HIBCH: variants seen among roughly 807,000 people sequenced by gnomAD.
The protein encoded by HIBCH is 3-hydroxyisobutyryl-CoA hydrolase, mitochondrial.
HIBCH carries 50 observed loss-of-function variants against 58.2 expected under a neutral mutation model. That is an observed-to-expected ratio of 0.86 (90% CI 0.68 to 1.09). The LOEUF is 1.09. HIBCH is among the 50% of genes least tolerant of loss of function. HIBCH has a pLI of 0.00. For missense variants in HIBCH, 450 were observed against 449.7 expected (o/e 1.00, Z -0.01); for synonymous variants, 151 against 146.9 (o/e 1.03, Z -0.20).
rs1214319858 is a variant in HIBCH, at chr2:190,261,367, A to G, written c.439-133T>C. On this transcript the variant is annotated intron_variant, in intron 6 of 13. Coordinates refer to ENST00000359678, the MANE Select transcript of HIBCH (RefSeq NM_014362.4). ...ACTCCACAGGAACTTGCTTCAGGGA[A>G]TAGGTTGTCCCCACCTCTTTCAATT... 4 of 682,616 alleles carry G rather than the reference A, an allele frequency of 5.9e-6. No homozygotes were observed. In the African/African-American group the frequency reaches 7.2e-5, roughly 12 times the overall value. The allele number at this position is 682,616 out of a possible 1,614,324, so 42.3% of individuals were successfully genotyped here.
chr2:190,287,301 A>G (rs1370467505), intron 6 of HIBCH, among the ~76,000 whole-genome samples: 1 of 152,162 alleles, frequency 6.6e-6, no homozygotes, highest in African/African-American at 2.4e-5. Flanking sequence ...ACCTCAAGTG[A>G]TCTGCCCACC....
intron 1 of HIBCH, among the ~76,000 whole-genome samples, chr2:190,194,402 T>C (rs962628374): frequency 6.6e-6 from 1 of 150,996 alleles, no homozygotes; most frequent in Non-Finnish European, 1.5e-5. Flanking sequence ...AAAAAAATAA[T>C]AGACTGTTTT....
rs1221755185 is a variant in HIBCH at position 190,319,608 on chromosome 2, G to A, written c.35+108C>T. On this transcript the variant is annotated intron_variant, in intron 1 of 13. Coordinates refer to ENST00000359678, the MANE Select transcript of HIBCH (RefSeq NM_014362.4). The stretch of plus-strand genomic sequence containing the variant: ...GTTGGGGTCTCACAGCGGCGCCTCT[G>A]AGCGCGACTCGAAACTTCGAGGCCA... The A allele has an allele frequency of 7.3e-6, 7 of 956,612 alleles. No individual in the cohort carries two copies. In the Admixed American group the frequency reaches 1.4e-4, roughly 19 times the overall value. 59.3% of individuals were successfully genotyped at this position (956,612 alleles called of 1,614,324 possible).
chr2:190,277,457 T>C (rs533387987), intron 6 of HIBCH, among the ~76,000 whole-genome samples: 42 of 152,334 alleles, frequency 2.8e-4, no homozygotes, highest in African/African-American at 9.9e-4. Flanking sequence ...AAAATTCTTT[T>C]ACATTATTGT....
intron 5 of HIBCH, among the ~76,000 whole-genome samples, chr2:190,289,347 AATTT>A (rs905336040): frequency 6.6e-6 from 1 of 152,154 alleles, no homozygotes; most frequent in Non-Finnish European, 1.5e-5. Context: ...ACAAAAACTG[AATTT>A]ATTTTTCCAA....
At chr2:190,314,758 T>C (rs1688669919) in intron 1 of HIBCH, among the ~76,000 whole-genome samples, 1 of 151,648 alleles carries the variant, frequency 6.6e-6, no homozygotes, top group African/African-American at 2.4e-5. Flanking sequence ...GGATGACAGG[T>C]GTGAGCCACC....
chr2:190,195,479 C>T (rs1469297235), intron 1 of HIBCH, among the ~76,000 whole-genome samples: 1 of 152,160 alleles, frequency 6.6e-6, no homozygotes, highest in East Asian at 1.9e-4. Flanking sequence ...CATTATCTCA[C>T]TGTTTAAATT....
At position 190,206,332 on chromosome 2, in the gene HIBCH, T is replaced by C. The variant is rs576677942; in HGVS notation, c.1046-1100A>G. 6.6e-5 allele frequency among the ~76,000 whole-genome samples: 10 copies of C among 152,288 alleles called. No individual in the cohort carries two copies. Among genetic ancestry groups the C allele is most frequent in the African/African-American group, 2.2e-4 (9 of 41,560 alleles). ...TACTATTTGAAAGTTTTATATTCCG[T>C]GGACAGTGTAAACAAAGAACAACCC... On this transcript the variant is annotated intron_variant, in intron 13 of 13. Coordinates refer to ENST00000359678, the MANE Select transcript of HIBCH (RefSeq NM_014362.4). This position sits in a 1 kb window ranked among gnomAD's most constrained non-coding sequence, Gnocchi z 5.1.
At position 190,254,425 on chromosome 2, in the gene HIBCH, C is replaced by T. The variant is rs1575727717; in HGVS notation, c.518-2118G>A. 6.6e-6 allele frequency among the ~76,000 whole-genome samples: 1 copy of T among 152,084 alleles called. No homozygotes were observed. Among genetic ancestry groups the T allele is most frequent in the Admixed American group, 6.5e-5 (1 of 15,278 alleles). On this transcript the variant is annotated intron_variant, in intron 7 of 13. Transcript: ENST00000359678. This position sits in a 1 kb window ranked among gnomAD's most constrained non-coding sequence, Gnocchi z 5.0. ...GATCTCAGCCTTTCAATCTCCAGAA[C>T]TGTGAGAAAAAAAATTTCTACTGTT...
At position 190,287,598 on chromosome 2, in the gene HIBCH, A is replaced by T; in HGVS notation, c.426T>A (p.Ile142=). The T allele has an allele frequency of 6.2e-7, 1 of 1,609,222 alleles. No individual in the cohort carries two copies. The highest frequency in any genetic ancestry group is 8.5e-7 in the Non-Finnish European group (1 of 1,175,666). ...QKPYVALIHG[I]TMGGGVGLSV... is the part of the protein sequence containing the mutation. ...AAAGTCTACTTACCCCACCCATTGT[A>T]ATTCCATGAATAAGTGCAACATAAG... is the stretch of plus-strand genomic sequence containing the variant. Residue 142 remains isoleucine (I), a synonymous_variant, in exon 6 of 14, where the codon ATT becomes ATA. Transcript: ENST00000359678.
intron 1 of HIBCH, among the ~76,000 whole-genome samples, chr2:190,313,860 T>C (rs1229823285): frequency 6.6e-6 from 1 of 152,150 alleles, no homozygotes; most frequent in African/African-American, 2.4e-5. Context: ...GATCATATCT[T>C]ATTTAGGGAT....
chr2:190,287,596 G>T lies in HIBCH; in HGVS notation c.428C>A (p.Thr143Lys), dbSNP rs754178179. 1.9e-6 allele frequency: 3 copies of T among 1,608,006 alleles called. No individual in the cohort carries two copies. Among genetic ancestry groups the T allele is most frequent in the South Asian group, 2.2e-5 (2 of 90,942 alleles). Residue 143 changes from threonine to lysine, a missense_variant, in exon 6 of 14, where the codon ACA becomes AAA. Transcript: ENST00000359678. ...KPYVALIHGI[T>K]MGGGVGLSVH... is the part of the protein sequence containing the mutation. ...AAAAAGTCTACTTACCCCACCCATTGTAATTCCATGAATAAGTGCAACATA... is the reference window on the plus strand; with the variant it reads ...AAAAAGTCTACTTACCCCACCCATTTTAATTCCATGAATAAGTGCAACATA...
chr2:190,195,941 CTTTTTTTT>C (rs35679833), intron 1 of HIBCH, among the ~76,000 whole-genome samples: 1 of 86,210 alleles, frequency 1.2e-5, no homozygotes, highest in Non-Finnish European at 2.3e-5. Context: ...CTGTGTCCAG[CTTTTTTTT>C]TTTTTTTTTT....
At chr2:190,220,002 AAG>A (rs546985153) in intron 11 of HIBCH, among the ~76,000 whole-genome samples, 1 of 152,200 alleles carries the variant, frequency 6.6e-6, no homozygotes, top group Non-Finnish European at 1.5e-5. Flanking sequence ...TCACCTTGGA[AAG>A]AGAGAAGACA....
intron 9 of HIBCH, among the ~76,000 whole-genome samples, chr2:190,247,943 T>G (rs559838010): frequency 6.6e-6 from 1 of 152,240 alleles, no homozygotes; most frequent in Non-Finnish European, 1.5e-5. Context: ...AAAGTTTTTA[T>G]GAGCACTGGA....
intron 11 of HIBCH, among the ~76,000 whole-genome samples, chr2:190,242,089 A>G (rs1251545519): frequency 3.3e-5 from 5 of 152,114 alleles, no homozygotes; most frequent in Admixed American, 3.3e-4. Context: ...CGTCACTTTC[A>G]GATACACCAA....
chr2:190,220,535 A>C (rs1575701125), intron 11 of HIBCH: 1 of 151,958 alleles, frequency 6.6e-6, no homozygotes, highest in Non-Finnish European at 1.5e-5. Flanking sequence ...CACTGATAAA[A>C]CTGGTTCTTC....
intron 6 of HIBCH, among the ~76,000 whole-genome samples, chr2:190,271,625 G>A (rs57122175): frequency 0.014 from 2,168 of 151,964 alleles, 57 homozygotes; most frequent in African/African-American, 0.049. Context: ...TCTCTCACCC[G>A]ATTCCCTGCA....
intron 11 of HIBCH, among the ~76,000 whole-genome samples, chr2:190,233,521 T>C (rs1351661866): frequency 1.3e-5 from 2 of 152,254 alleles, no homozygotes; most frequent in Non-Finnish European, 2.9e-5. Context: ...CCTTCTGCCA[T>C]AATTTTGAGG....
Sources: gnomAD v4.1 joint callset for allele counts (sites outside exome capture counted in the v4.1 genomes callset) on GRCh38, gnomAD v4.1.1 for gene constraint, Gnocchi (gnomAD v3.1) non-coding constraint, MANE v1.5 for transcripts, NCBI Gene and HGNC (gene_info 2026-07-23, HGNC 2026-07-21) for gene names.